FSTL4: variants seen among roughly 807,000 people sequenced by gnomAD.
FSTL4 encodes the protein follistatin like 4, also known as follistatin-related protein 4.
Under a neutral mutation model 78.2 loss-of-function variants are expected in FSTL4, and 28 were observed. The ratio of observed to expected loss-of-function variants is 0.36; its 90% CI spans 0.27 to 0.49. FSTL4 has a LOEUF of 0.49. Ranked by LOEUF, FSTL4 falls within the 20% of genes least tolerant of loss-of-function variation. The probability of loss-of-function intolerance (pLI) is 0.98; values close to 1 mark genes in which losing one functional copy is unlikely to be tolerated. For missense variants in FSTL4, 922 were observed against 1,084.9 expected (o/e 0.85, Z 2.11); for synonymous variants, 422 against 440.5 (o/e 0.96, Z 0.53).
chr5:133,769,280 G>A, the FSTL4 span, among the ~76,000 whole-genome samples: 6 of 152,240 alleles, frequency 3.9e-5, no homozygotes, highest in African/African-American at 1.4e-4. Flanking sequence ...GATTCCAGTG[G>A]CTGGAAATGT....
At chr5:133,275,560 T>TAA (rs201109966) in intron 6 of FSTL4, among the ~76,000 whole-genome samples, 8 of 108,456 alleles carry the variant, frequency 7.4e-5, no homozygotes, top group Admixed American at 9.9e-5. Context: ...AACTCTGTCT[T>TAA]AAAAAAACAA....
intron 6 of FSTL4, among the ~76,000 whole-genome samples, chr5:133,290,835 T>C (rs558981541): frequency 3.9e-5 from 6 of 152,348 alleles, no homozygotes; most frequent in African/African-American, 1.4e-4. Flanking sequence ...TCGCCTGCAA[T>C]GTGGGCTGCT....
chr5:133,209,361 G>A (rs1306850581), intron 14 of FSTL4, among the ~76,000 whole-genome samples: 3 of 152,100 alleles, frequency 2.0e-5, no homozygotes, highest in Non-Finnish European at 4.4e-5. Flanking sequence ...AGGGGAGTTA[G>A]CTCCATTTGC....
the FSTL4 span, among the ~76,000 whole-genome samples, chr5:133,796,781 G>C: frequency 6.6e-6 from 1 of 152,086 alleles, no homozygotes; most frequent in African/African-American, 2.4e-5. Flanking sequence ...AACTTTTTGG[G>C]GATGAAAACA....
At chr5:133,430,142 G>A (rs1289309310) in intron 3 of FSTL4, among the ~76,000 whole-genome samples, 3 of 152,232 alleles carry the variant, frequency 2.0e-5, no homozygotes, top group Non-Finnish European at 4.4e-5. Context: ...CTTGGGTGTG[G>A]AATGTAAGTT....
chr5:133,689,134 C>T, the FSTL4 span, among the ~76,000 whole-genome samples: 3 of 152,218 alleles, frequency 2.0e-5, no homozygotes, highest in African/African-American at 4.8e-5. Context: ...TTTCTAACCC[C>T]TCCACCCAGT....
the FSTL4 span, among the ~76,000 whole-genome samples, chr5:133,717,901 T>G: frequency 6.6e-6 from 1 of 152,234 alleles, no homozygotes; most frequent in Non-Finnish European, 1.5e-5. Flanking sequence ...CCTTTTAGGG[T>G]AAACATGTGT....
intron 3 of FSTL4, among the ~76,000 whole-genome samples, chr5:133,429,132 T>A (rs553200948): frequency 6.6e-6 from 1 of 152,290 alleles, no homozygotes; most frequent in Non-Finnish European, 1.5e-5. Flanking sequence ...GGGTCCCAGA[T>A]GTGGTTAAAC....
At chr5:133,259,550 G>A (rs901851701) in intron 6 of FSTL4, among the ~76,000 whole-genome samples, 7 of 136,832 alleles carry the variant, frequency 5.1e-5, no homozygotes, top group South Asian at 2.3e-4. Context: ...GAGGAGTCTC[G>A]CTCTGTCACC....
chr5:133,304,047 G>A (rs12517807), intron 6 of FSTL4, among the ~76,000 whole-genome samples: 4 of 151,966 alleles, frequency 2.6e-5, no homozygotes, highest in African/African-American at 9.7e-5. Flanking sequence ...GCTCTGGAAG[G>A]CTCAGGCATT....
At chr5:133,632,000 G>C in the FSTL4 span, among the ~76,000 whole-genome samples, 1 of 152,122 alleles carries the variant, frequency 6.6e-6, no homozygotes, top group Admixed American at 6.5e-5. Flanking sequence ...GTCTGTTGTG[G>C]GGTGGGGGTT....
At chr5:133,647,185 C>T in the FSTL4 span, among the ~76,000 whole-genome samples, 1 of 152,116 alleles carries the variant, frequency 6.6e-6, no homozygotes, top group Non-Finnish European at 1.5e-5. Flanking sequence ...GGTCTTGACT[C>T]CATTGGTGGC....
intron 3 of FSTL4, among the ~76,000 whole-genome samples, chr5:133,436,378 C>CTG (rs1402733394): frequency 6.6e-6 from 1 of 152,080 alleles, no homozygotes; most frequent in Non-Finnish European, 1.5e-5. Flanking sequence ...GGAGGATGAC[C>CTG]TGTGGCAGGA....
At chr5:133,678,349 G>A in the FSTL4 span, among the ~76,000 whole-genome samples, 1 of 152,160 alleles carries the variant, frequency 6.6e-6, no homozygotes, top group Non-Finnish European at 1.5e-5. Context: ...TCAGACTTGG[G>A]GAGTGGCAGT....
the FSTL4 span, among the ~76,000 whole-genome samples, chr5:133,750,414 A>G: frequency 1.8e-4 from 28 of 152,156 alleles, no homozygotes; most frequent in Non-Finnish European, 4.1e-4. Flanking sequence ...TCTGCCATTT[A>G]TGAAACAAAG....
At chr5:133,670,801 G>A in the FSTL4 span, among the ~76,000 whole-genome samples, 20 of 152,216 alleles carry the variant, frequency 1.3e-4, no homozygotes, top group African/African-American at 4.6e-4. Context: ...TTCAGAGGGA[G>A]TGAGTACATT....
intron 6 of FSTL4, among the ~76,000 whole-genome samples, chr5:133,307,359 G>C (rs1753679245): frequency 6.6e-6 from 1 of 152,238 alleles, no homozygotes; most frequent in Admixed American, 6.5e-5. Flanking sequence ...CTTCAACGGA[G>C]AATGCAGATG....
chr5:133,232,179 C>T (rs1037137612), intron 8 of FSTL4, among the ~76,000 whole-genome samples: 3 of 152,136 alleles, frequency 2.0e-5, no homozygotes, highest in African/African-American at 4.8e-5. Flanking sequence ...GTGCTCGGGC[C>T]GCATCTCTGG....
chr5:133,604,586 G>A (rs761190666), intron 1 of FSTL4, among the ~76,000 whole-genome samples: 1 of 152,128 alleles, frequency 6.6e-6, no homozygotes, highest in Non-Finnish European at 1.5e-5. Context: ...GCAGGCACCT[G>A]TAATTCCAGC....
Sources: allele counts gnomAD v4.1 joint callset (sites outside exome capture counted in the v4.1 genomes callset), GRCh38; gene constraint gnomAD v4.1.1; transcripts MANE v1.5; gene names NCBI Gene and HGNC (gene_info 2026-07-23, HGNC 2026-07-21).